Variants in CPLANE1 observed in about 807,000 individuals in gnomAD.
CPLANE1 encodes ciliogenesis and planar polarity effector complex subunit 1.
Under a neutral mutation model 362.5 loss-of-function variants are expected in CPLANE1, and 263 were observed. That is an observed-to-expected ratio of 0.73 (90% CI 0.66 to 0.80). CPLANE1 has a LOEUF of 0.80. Among genes scored for constraint, CPLANE1 ranks in the 30% least tolerant of loss-of-function variants. The pLI is 0.00. For synonymous variants in CPLANE1, 1,212 were observed against 1,302.6 expected (o/e 0.93, Z 1.50); for missense variants, 3,461 against 3,793.4 (o/e 0.91, Z 2.30).
the CPLANE1 span, among the ~76,000 whole-genome samples, chr5:37,080,812 C>T: frequency 6.6e-6 from 1 of 152,110 alleles, no homozygotes; most frequent in Non-Finnish European, 1.5e-5. Flanking sequence ...GTAAGGCCCA[C>T]AAAGCATAAA....
At chr5:37,082,709 A>G in the CPLANE1 span, among the ~76,000 whole-genome samples, 2 of 151,978 alleles carry the variant, frequency 1.3e-5, no homozygotes, top group Non-Finnish European at 2.9e-5. Flanking sequence ...TTCACCTATA[A>G]TGACACACAG....
downstream of CPLANE1, among the ~76,000 whole-genome samples, chr5:37,101,283 C>T (rs1757275496): frequency 2.0e-5 from 3 of 152,158 alleles, no homozygotes; most frequent in Admixed American, 2.0e-4. Context: ...TATGTTCCTT[C>T]AATACCTAGT....
intron 9 of CPLANE1, 27 bp from the exon 10 acceptor site, chr5:37,227,844 A>T: frequency 6.6e-7 from 1 of 1,525,880 alleles, no homozygotes; most frequent in Non-Finnish European, 8.8e-7. Flanking sequence ...AAAATACAAG[A>T]ATCAGTAAGA....
At position 37,215,634 on chromosome 5, in the gene CPLANE1, T is replaced by C. The variant is rs1207432521; in HGVS notation, c.2747-1902A>G. The stretch of plus-strand genomic sequence containing the variant: ...TACACCTAAGAACTGTTCACAACTT[T>C]AAGTTTTATTTTTTAAATGGAGGTA... On this transcript the variant is annotated intron_variant, in intron 15 of 52. Transcript: ENST00000651892. Among the ~76,000 whole-genome samples the C allele has an allele frequency of 2.6e-5, 4 of 152,078 alleles. No individual in the cohort carries two copies. The East Asian group carries it at 7.7e-4, about 29-fold the overall frequency.
intron 37 of CPLANE1, 97 bp from the exon 38 acceptor site, chr5:37,162,663 G>A (rs1007547574): frequency 6.4e-6 from 5 of 777,800 alleles, no homozygotes; most frequent in Non-Finnish European, 1.0e-5. Flanking sequence ...AGTAAAATAT[G>A]GGGTGTCAGG....
chr5:37,166,550 G>T (rs1381578929), intron 35 of CPLANE1, among the ~76,000 whole-genome samples: 1 of 152,064 alleles, frequency 6.6e-6, no homozygotes, highest in Non-Finnish European at 1.5e-5. Context: ...AGTTATAATT[G>T]TTATATTTTA....
chr5:37,081,351 C>T, the CPLANE1 span, among the ~76,000 whole-genome samples: 1 of 152,140 alleles, frequency 6.6e-6, no homozygotes, highest in Admixed American at 6.5e-5. Flanking sequence ...GTCTCTCTCT[C>T]TCTCTCTGTC....
At chr5:37,118,422 A>C (rs1257443879) in intron 50 of CPLANE1, among the ~76,000 whole-genome samples, 2 of 150,104 alleles carry the variant, frequency 1.3e-5, no homozygotes, top group Non-Finnish European at 3.0e-5. Context: ...AAAAAAGGCC[A>C]AGAGCTAACC....
At chr5:37,076,950 C>CT in the CPLANE1 span, among the ~76,000 whole-genome samples, 193 of 151,150 alleles carry the variant, frequency 1.3e-3, no homozygotes, top group East Asian at 0.013. Flanking sequence ...AGCCAGCAAA[C>CT]TTTTTTCTGT....
chr5:37,139,528 C>A lies in CPLANE1; in HGVS notation c.8633-158G>T, dbSNP rs1769009878. 4 of 1,138,622 alleles carry A rather than the reference C, an allele frequency of 3.5e-6. No homozygotes were observed. In the East Asian group the frequency reaches 1.6e-4, roughly 45 times the overall value. 70.5% of individuals were successfully genotyped at this position (1,138,622 alleles called of 1,614,324 possible). A position where few individuals can be genotyped will look rare whatever the true frequency, so the allele number is the denominator to read the frequency against. ...TATTTACAGCATATTTATCCTCTTC[C>A]TGAATATGCTATCTGATAGTGAATA... On this transcript the variant is annotated intron_variant, in intron 44 of 52. Transcript: ENST00000651892.
intron 8 of CPLANE1, among the ~76,000 whole-genome samples, chr5:37,238,234 G>A (rs768885350): frequency 3.9e-5 from 6 of 152,040 alleles, no homozygotes; most frequent in Non-Finnish European, 8.8e-5. Context: ...GTGCAGTAGT[G>A]CGATCTCAGC....
intron 36 of CPLANE1, among the ~76,000 whole-genome samples, chr5:37,165,025 G>C (rs927153743): frequency 1.3e-5 from 2 of 152,078 alleles, no homozygotes; most frequent in Non-Finnish European, 2.9e-5. Flanking sequence ...AGGATTGCCC[G>C]AGCCCAGGAG....
At chr5:37,075,897 A>G in the CPLANE1 span, among the ~76,000 whole-genome samples, 1 of 152,150 alleles carries the variant, frequency 6.6e-6, no homozygotes, top group Non-Finnish European at 1.5e-5. Context: ...AGTGTTGGGA[A>G]AGAATAGTGT....
chr5:37,203,889 T>C (rs1342056313), intron 18 of CPLANE1, among the ~76,000 whole-genome samples: 1 of 152,200 alleles, frequency 6.6e-6, no homozygotes, highest in East Asian at 1.9e-4. Flanking sequence ...GGAATGGAAT[T>C]CATTCAAGAG....
chr5:37,191,032 A>G lies in CPLANE1; in HGVS notation c.3812-3190T>C, dbSNP rs561021370. The stretch of plus-strand genomic sequence containing the variant: ...AGGCAGGTCCTTCAGGAGTTATTCT[A>G]GAAGAAGGCATTGTTATAAGAGAAG... On this transcript the variant is annotated intron_variant, in intron 21 of 52. Transcript: ENST00000651892. 3.3e-5 allele frequency among the ~76,000 whole-genome samples: 5 copies of G among 152,326 alleles called. No homozygotes were observed. In the South Asian group the frequency reaches 1.0e-3, roughly 32 times the overall value.
chr5:37,091,279 C>T, the CPLANE1 span, among the ~76,000 whole-genome samples: 1 of 152,194 alleles, frequency 6.6e-6, no homozygotes, highest in Non-Finnish European at 1.5e-5. Context: ...TTAGTGCACA[C>T]ACCCTTCCTA....
At chr5:37,215,295 C>T (rs1343808555) in intron 15 of CPLANE1, among the ~76,000 whole-genome samples, 1 of 152,092 alleles carries the variant, frequency 6.6e-6, no homozygotes, top group African/African-American at 2.4e-5. Flanking sequence ...GTGATCTGCC[C>T]GCCTCGGCCT....
Position 37,116,597 on chromosome 5 carries a change from C to T in CPLANE1, c.9311-1548G>A, listed in dbSNP as rs773292022. ...TCACGCCACTGCACTCCCTTCTGGG[C>T]GACAGAATGAGTTCCTGTGTCCAAA... On this transcript the variant is annotated intron_variant, in intron 50 of 52. Transcript: ENST00000651892. 4.8e-4 allele frequency among the ~76,000 whole-genome samples: 71 copies of T among 148,392 alleles called. 1 individual carries two copies. The highest frequency in any genetic ancestry group is 5.4e-4 in the Admixed American group (8 of 14,778).
intron 36 of CPLANE1, 73 bp downstream of exon 36, chr5:37,165,466 G>C: frequency 6.8e-7 from 1 of 1,464,100 alleles, no homozygotes; most frequent in Non-Finnish European, 9.4e-7. Context: ...AATCAGACTA[G>C]ATAAACCACA....
Sources: gnomAD v4.1 joint callset for allele counts (sites outside exome capture counted in the v4.1 genomes callset) on GRCh38, gnomAD v4.1.1 for gene constraint, MANE v1.5 for transcripts, NCBI Gene and HGNC (gene_info 2026-07-23, HGNC 2026-07-21) for gene names.